EXD2: variants seen among roughly 807,000 people sequenced by gnomAD.
The protein encoded by EXD2 is exonuclease 3'-5' domain-containing protein 2.
A neutral mutation model predicts 62.5 loss-of-function variants in EXD2; 40 were observed. The ratio of observed to expected loss-of-function variants is 0.64; its 90% confidence interval spans 0.50 to 0.83. The LOEUF is 0.83. EXD2 is among the 40% of genes least tolerant of loss of function. The probability of loss-of-function intolerance (pLI) is 0.00; values close to 1 mark genes in which losing one functional copy is unlikely to be tolerated. For missense variants in EXD2, 671 were observed against 761.8 expected (o/e 0.88, Z 1.40); for synonymous variants, 239 against 291.9 (o/e 0.82, Z 1.85).
chr14:69,208,332 TC>T (rs1305482702), intron 2 of EXD2, among the ~76,000 whole-genome samples: 1 of 149,204 alleles, frequency 6.7e-6, no homozygotes, highest in Non-Finnish European at 1.5e-5. Flanking sequence ...TGCCTCAGCC[TC>T]CCAAGTAGCT....
intron 3 of EXD2, among the ~76,000 whole-genome samples, chr14:69,221,913 A>AT: frequency 7.1e-6 from 1 of 141,076 alleles, no homozygotes; most frequent in Non-Finnish European, 1.5e-5. Context: ...CTCTACTAAA[A>AT]AAAAAAAAAA....
chr14:69,209,770 A>G lies in EXD2; in HGVS notation c.300A>G (p.Glu100=), dbSNP rs1397997591. 1 of 1,522,824 alleles carries G rather than the reference A, an allele frequency of 6.6e-7. No individual in the cohort carries two copies. The highest frequency in any genetic ancestry group is 2.5e-5 in the East Asian group (1 of 40,420). The allele number at this position is 1,522,824 out of a possible 1,614,324, so 94.3% of individuals were successfully genotyped here. Residue 100 remains glutamate (E), a synonymous_variant, in exon 3 of 10, where the codon GAA becomes GAG. Transcript: ENST00000685843. The part of the protein sequence containing the change: ...QIEPLLRSEL[E]DFPVLGIDCE... ...AGCCCTTGCTTAGAAGTGAATTAGA[A>G]GATTTTCCAGTACTTGGAATTGACT...
chr14:69,226,925 CTG>C (rs565244282), intron 3 of EXD2, among the ~76,000 whole-genome samples: 25 of 152,222 alleles, frequency 1.6e-4, no homozygotes, highest in Admixed American at 1.4e-3. Context: ...ATGTCATTTT[CTG>C]TGTGTGTGAG....
At position 69,243,021 on chromosome 14, in the gene EXD2, G is replaced by T. The variant is rs183173143; in HGVS notation, c.*1921G>T. 6.6e-6 allele frequency: 1 copy of T among 152,286 alleles called. No homozygotes were observed. The highest frequency in any genetic ancestry group is 6.5e-5 in the Admixed American group (1 of 15,300). The allele number at this position is 152,286 out of a possible 1,614,324, so 9.4% of individuals were successfully genotyped here. A position where few individuals can be genotyped will look rare whatever the true frequency, so the allele number is the denominator to read the frequency against. ...AAGGTCATTTAAGGTGCTAGGGAAA[G>T]GGTTTTCCCATGGAGCTTTCTGTGA... On this transcript the variant is annotated 3_prime_UTR_variant, in exon 10 of 10. Transcript: ENST00000685843.
At chr14:69,195,145 A>T (rs563023339) in intron 1 of EXD2, among the ~76,000 whole-genome samples, 1 of 152,098 alleles carries the variant, frequency 6.6e-6, no homozygotes, top group East Asian at 1.9e-4. Flanking sequence ...TGAACCCAGA[A>T]GGCAGAGGTT....
chr14:69,205,348 G>A (rs1283464011), intron 2 of EXD2, among the ~76,000 whole-genome samples: 4 of 151,968 alleles, frequency 2.6e-5, no homozygotes, highest in African/African-American at 7.3e-5. Flanking sequence ...ACCATGCTTC[G>A]CCTCAGTATG....
At chr14:69,232,202 T>C (rs142102228) in intron 5 of EXD2, among the ~76,000 whole-genome samples, 372 of 152,266 alleles carry the variant, frequency 2.4e-3, no homozygotes, top group Middle Eastern at 0.017. Context: ...ACTTTTACTG[T>C]CTTTTGGGCT....
At position 69,209,436 on chromosome 14, in the gene EXD2, G is replaced by T; in HGVS notation, c.-35G>T. The T allele has an allele frequency of 6.9e-7, 1 of 1,448,626 alleles. No individual in the cohort carries two copies. The highest frequency in any genetic ancestry group is 9.2e-7 in the Non-Finnish European group (1 of 1,092,106). 89.7% of individuals were successfully genotyped at this position (1,448,626 alleles called of 1,614,324 possible). On this transcript the variant is annotated 5_prime_UTR_variant, in exon 3 of 10. Coordinates refer to ENST00000685843, the MANE Select transcript of EXD2 (RefSeq NM_001193360.2). Reference sequence around the variant, plus strand: ...ATTTGTTTTGCAGATTGTGGGATTAGTGATATGCTTTTCTAAAGAGTAGAA... The same window carrying T: ...ATTTGTTTTGCAGATTGTGGGATTATTGATATGCTTTTCTAAAGAGTAGAA...
At chr14:69,230,078 G>A (rs1245091480) in intron 4 of EXD2, among the ~76,000 whole-genome samples, 1 of 152,126 alleles carries the variant, frequency 6.6e-6, no homozygotes, top group East Asian at 1.9e-4. Flanking sequence ...TCCCCAGAAT[G>A]CCACTGTCAC....
At chr14:69,213,712 G>A (rs2042897566) in intron 3 of EXD2, among the ~76,000 whole-genome samples, 1 of 148,718 alleles carries the variant, frequency 6.7e-6, no homozygotes, top group African/African-American at 2.5e-5. Flanking sequence ...CTCCAAGGCT[G>A]GAGTACATTA....
intron 2 of EXD2, among the ~76,000 whole-genome samples, chr14:69,206,214 C>A (rs1164246883): frequency 6.6e-6 from 1 of 152,016 alleles, no homozygotes; most frequent in African/African-American, 2.4e-5. Flanking sequence ...AGCCACTGCA[C>A]CCAGCTGAGG....
intron 3 of EXD2, among the ~76,000 whole-genome samples, chr14:69,218,724 T>C (rs2043068220): frequency 6.6e-6 from 1 of 152,232 alleles, no homozygotes; most frequent in Non-Finnish European, 1.5e-5. Context: ...GCTTTCTAGA[T>C]ATGCTAGCCA....
chr14:69,197,406 G>A (rs555519485), intron 1 of EXD2, among the ~76,000 whole-genome samples: 14 of 151,552 alleles, frequency 9.2e-5, no homozygotes, highest in South Asian at 2.1e-4. Context: ...TCGCTGTCTC[G>A]ATGGTTGATT....
chr14:69,198,103 T>G (rs1317864023), intron 1 of EXD2, among the ~76,000 whole-genome samples: 1 of 152,232 alleles, frequency 6.6e-6, no homozygotes, highest in African/African-American at 2.4e-5. Context: ...GACTTGTGTA[T>G]GTGATTATGT....
At chr14:69,201,584 C>T (rs2042398493) in intron 1 of EXD2, among the ~76,000 whole-genome samples, 1 of 152,030 alleles carries the variant, frequency 6.6e-6, no homozygotes, top group African/African-American at 2.4e-5. Flanking sequence ...CAGTGCCCTC[C>T]TCCTGTCTGG....
intron 1 of EXD2, among the ~76,000 whole-genome samples, chr14:69,199,200 C>T (rs1348663566): frequency 6.6e-6 from 1 of 152,184 alleles, no homozygotes; most frequent in Non-Finnish European, 1.5e-5. Context: ...GCCGAGATCA[C>T]GCCACTGCAC....
At chr14:69,199,061 T>C (rs940216029) in intron 1 of EXD2, among the ~76,000 whole-genome samples, 3 of 152,174 alleles carry the variant, frequency 2.0e-5, no homozygotes, top group African/African-American at 7.2e-5. Context: ...CTGGCCAACA[T>C]GGTGAAACCC....
chr14:69,230,649 A>G (rs1490502131), intron 5 of EXD2, 51 bp downstream of exon 5: 16 of 1,545,052 alleles, frequency 1.0e-5, no homozygotes, highest in Non-Finnish European at 1.3e-5. Flanking sequence ...TTTCTGAAGT[A>G]TAACTGTTTA....
In EXD2 at chr14:69,241,071, G is replaced by A. The variant is rs757461787; in HGVS notation, c.1837G>A (p.Gly613Arg). Residue 613 changes from glycine (G) to arginine (R), a missense_variant, in exon 10 of 10, where the codon GGG becomes AGG. Physicochemically the swap from Gly to Arg is moderately radical, Grantham distance 125. Transcript: ENST00000685843. ...HNHQKLLRKF[G>R]EDLPIQLS Reference sequence around the variant, plus strand: ...CCATCAGAAGCTGCTCCGGAAATTCGGGGAAGATCTTCCCATCCAGCTGTC... The same window carrying A: ...CCATCAGAAGCTGCTCCGGAAATTCAGGGAAGATCTTCCCATCCAGCTGTC... 24 of 1,612,402 alleles carry A rather than the reference G, an allele frequency of 1.5e-5. No individual in the cohort carries two copies. The Admixed American group carries it at 1.5e-4, about 10-fold the overall frequency.
Sources: allele counts gnomAD v4.1 joint callset (sites outside exome capture counted in the v4.1 genomes callset), GRCh38; gene constraint gnomAD v4.1.1; transcripts MANE v1.5; gene names NCBI Gene and HGNC (gene_info 2026-07-23, HGNC 2026-07-21).